The following RBFOX1 variants were observed in gnomAD, a reference collection of about 807,000 sequenced individuals.
RBFOX1 encodes the protein RNA binding protein fox-1 homolog 1.
A neutral mutation model predicts 57.7 loss-of-function variants in RBFOX1; 8 were observed. The observed-to-expected ratio is 0.14, with a 90% CI of 0.08 to 0.25. RBFOX1 has a LOEUF of 0.25. Among genes scored for constraint, RBFOX1 ranks in the 10% least tolerant of loss-of-function variants. The pLI is 1.00. For missense variants in RBFOX1, 611 were observed against 548.5 expected, an observed-to-expected ratio of 1.11 and a Z score of -1.14; for synonymous variants, 326 against 222.4, an observed-to-expected ratio of 1.47 and a Z score of -4.15.
chr16:7,707,619 C>G (rs930012669), intron 14 of RBFOX1, among the ~76,000 whole-genome samples: 1 of 152,150 alleles, frequency 6.6e-6, no homozygotes, highest in South Asian at 2.1e-4. Context: ...CAGCTGTTCC[C>G]TTCTCCAGAA....
intron 4 of RBFOX1, among the ~76,000 whole-genome samples, chr16:7,281,917 G>A (rs1037775375): frequency 6.6e-6 from 1 of 152,106 alleles, no homozygotes; most frequent in African/African-American, 2.4e-5. Flanking sequence ...ATGGACAGGA[G>A]GTCAGTGGCA....
At chr16:6,301,560 G>A (rs1448434545) in intron 1 of RBFOX1, among the ~76,000 whole-genome samples, 2 of 152,048 alleles carry the variant, frequency 1.3e-5, no homozygotes, top group Non-Finnish European at 2.9e-5. Context: ...ATTTTCAAAT[G>A]AAAAAAATAT....
At position 7,402,457 on chromosome 16, in the gene RBFOX1, C is replaced by G. The variant is rs575985438; in HGVS notation, c.28-115690C>G. The stretch of plus-strand genomic sequence containing the variant: ...ATTTCACAAATAATAGTATCCCATC[C>G]TCTTGCATTTGAGAATTTCTGCCGA... On this transcript the variant is annotated intron_variant, in intron 4 of 15. Coordinates refer to ENST00000550418, the MANE Select transcript of RBFOX1 (RefSeq NM_018723.4). 2.6e-5 allele frequency among the ~76,000 whole-genome samples: 4 copies of G among 152,258 alleles called. No individual in the cohort carries two copies. In the East Asian group the frequency reaches 5.8e-4, roughly 22 times the overall value.
intron 2 of RBFOX1, among the ~76,000 whole-genome samples, chr16:6,541,913 A>G (rs758213282): frequency 6.6e-6 from 1 of 151,910 alleles, no homozygotes; most frequent in Non-Finnish European, 1.5e-5. Context: ...GGTAGTGTTC[A>G]CTGCTTTAGT....
intron 4 of RBFOX1, among the ~76,000 whole-genome samples, chr16:7,363,166 G>A (rs547525287): frequency 1.6e-4 from 25 of 152,110 alleles, no homozygotes; most frequent in Non-Finnish European, 3.2e-4. Context: ...GAGAGGCTTT[G>A]GGAGAGACAG....
At chr16:6,514,700 A>G (rs1406517447) in intron 2 of RBFOX1, among the ~76,000 whole-genome samples, 1 of 151,808 alleles carries the variant, frequency 6.6e-6, no homozygotes, top group Non-Finnish European at 1.5e-5. Context: ...TCAAGGATCT[A>G]CCCTCCTCCA....
intron 3 of RBFOX1, among the ~76,000 whole-genome samples, chr16:6,942,753 C>T (rs181239761): frequency 3.9e-5 from 6 of 152,254 alleles, no homozygotes; most frequent in Admixed American, 2.6e-4. Context: ...GACAGACTCA[C>T]AAGCAGGTAA....
At chr16:5,475,498 C>T (rs987692215) in intron 2 of RBFOX1, among the ~76,000 whole-genome samples, 4 of 152,218 alleles carry the variant, frequency 2.6e-5, no homozygotes, top group Non-Finnish European at 5.9e-5. Flanking sequence ...AACCTCTTCC[C>T]AGGCATTGTC....
chr16:6,551,966 C>A (rs1053916905), intron 2 of RBFOX1, among the ~76,000 whole-genome samples: 2 of 152,226 alleles, frequency 1.3e-5, no homozygotes, highest in African/African-American at 4.8e-5. Context: ...ATTTGCCTCT[C>A]ATCTTCTAGT....
intron 4 of RBFOX1, among the ~76,000 whole-genome samples, chr16:5,906,670 C>T (rs1000283712): frequency 6.7e-6 from 1 of 148,996 alleles, no homozygotes; most frequent in Non-Finnish European, 1.5e-5. Flanking sequence ...GGGTTGGCTG[C>T]TGAGTGTTGT....
chr16:6,411,919 G>A (rs1018339989), intron 2 of RBFOX1, among the ~76,000 whole-genome samples: 1 of 151,990 alleles, frequency 6.6e-6, no homozygotes, highest in African/African-American at 2.4e-5. Context: ...GGCTTACGAG[G>A]TCAGGAGTTT....
In RBFOX1 at chr16:6,917,565, C is replaced by T. The variant is rs114759393; in HGVS notation, c.-15-134492C>T. Among the ~76,000 whole-genome samples, 1,346 of 152,302 alleles carry T rather than the reference C, an allele frequency of 8.8e-3. 21 individuals carry two copies. Among genetic ancestry groups the T allele is most frequent in the African/African-American group, 0.03 (1,268 of 41,578 alleles). The stretch of plus-strand genomic sequence containing the variant: ...ACAATGTTCATTTTTCTAAGTGTCT[C>T]CTTCTTCTGAAATAAAAGTTAGGAA... On this transcript the variant is annotated intron_variant, in intron 3 of 15. Coordinates refer to ENST00000550418, the MANE Select transcript of RBFOX1 (RefSeq NM_018723.4).
intron 4 of RBFOX1, among the ~76,000 whole-genome samples, chr16:7,254,722 T>G (rs887333314): frequency 6.6e-6 from 1 of 152,138 alleles, no homozygotes; most frequent in African/African-American, 2.4e-5. Context: ...CAATTGTTAT[T>G]ATCCTAAAAC....
At chr16:7,114,683 G>A (rs181631124) in intron 4 of RBFOX1, among the ~76,000 whole-genome samples, 3 of 152,266 alleles carry the variant, frequency 2.0e-5, no homozygotes, top group Non-Finnish European at 2.9e-5. Flanking sequence ...TGCCTCTCTG[G>A]AAATGAGAGT....
At chr16:5,722,122 C>A (rs768648626) in intron 3 of RBFOX1, among the ~76,000 whole-genome samples, 10 of 152,200 alleles carry the variant, frequency 6.6e-5, no homozygotes, top group African/African-American at 1.9e-4. Flanking sequence ...GACATCCTGT[C>A]TTTCCCACAG....
intron 4 of RBFOX1, among the ~76,000 whole-genome samples, chr16:7,298,478 G>C (rs2095952852): frequency 6.6e-6 from 1 of 151,918 alleles, no homozygotes; most frequent in African/African-American, 2.4e-5. Context: ...ATTTGGTTGA[G>C]AGAGGGTTTC....
intron 2 of RBFOX1, among the ~76,000 whole-genome samples, chr16:6,320,790 C>G (rs1334993491): frequency 6.6e-6 from 1 of 151,868 alleles, no homozygotes; most frequent in East Asian, 1.9e-4. Flanking sequence ...AAATTTGTTA[C>G]TTTATTATTA....
intron 3 of RBFOX1, among the ~76,000 whole-genome samples, chr16:6,895,438 G>GTA (rs1216168661): frequency 1.7e-4 from 15 of 88,096 alleles, no homozygotes; most frequent in African/African-American, 5.6e-4. Context: ...GTGTGTGTGT[G>GTA]TGTGTGTGTG....
intron 3 of RBFOX1, among the ~76,000 whole-genome samples, chr16:6,799,712 T>C (rs762183265): frequency 6.6e-6 from 1 of 152,126 alleles, no homozygotes; most frequent in African/African-American, 2.4e-5. Context: ...CCTTTCGTCT[T>C]TCTCCTGTGC....
Sources: gnomAD v4.1 joint callset for allele counts (sites outside exome capture counted in the v4.1 genomes callset) on GRCh38, gnomAD v4.1.1 for gene constraint, MANE v1.5 for transcripts, NCBI Gene and HGNC (gene_info 2026-07-23, HGNC 2026-07-21) for gene names.